The following LRRC7 variants were observed in gnomAD, a reference collection of about 807,000 sequenced individuals.
LRRC7 encodes the protein leucine rich repeat containing 7.
A neutral mutation model predicts 175.7 loss-of-function variants in LRRC7; 23 were observed. That is an observed-to-expected ratio of 0.13 (90% CI 0.09 to 0.19). The LOEUF (loss-of-function observed/expected upper bound fraction) is 0.19, where lower values mean the gene tolerates loss of function less well. Ranked by LOEUF, LRRC7 falls within the 10% of genes least tolerant of loss-of-function variation. The probability of loss-of-function intolerance (pLI) is 1.00; values close to 1 mark genes in which losing one functional copy is unlikely to be tolerated. For synonymous variants in LRRC7, 685 were observed against 680.9 expected, an observed-to-expected ratio of 1.01 and a Z score of -0.09; for missense variants, 1,354 against 1,904.7, an observed-to-expected ratio of 0.71 and a Z score of 5.38.
In LRRC7 at chr1:69,848,626, T is replaced by C. The variant is rs904123926; in HGVS notation, c.647+10343T>C. Reference sequence around the variant, plus strand: ...CCGCTGAAATGTATCTAACTCTCCATAGATTTTCTGCTTTCTTCAGGTCTC... The same window carrying C: ...CCGCTGAAATGTATCTAACTCTCCACAGATTTTCTGCTTTCTTCAGGTCTC... On this transcript the variant is annotated intron_variant, in intron 7 of 26. Transcript: ENST00000651989. Among the ~76,000 whole-genome samples the C allele has an allele frequency of 6.6e-5, 10 of 152,086 alleles. No individual in the cohort carries two copies. The South Asian group carries it at 8.3e-4, about 13-fold the overall frequency.
intron 4 of LRRC7, among the ~76,000 whole-genome samples, chr1:69,809,657 GA>G (rs1677576383): frequency 6.6e-6 from 1 of 152,116 alleles, no homozygotes; most frequent in Admixed American, 6.6e-5. Context: ...CGCATAAACA[GA>G]ACCAATGACA....
chr1:69,903,538 G>A (rs996998689), intron 7 of LRRC7, among the ~76,000 whole-genome samples: 2 of 152,066 alleles, frequency 1.3e-5, no homozygotes, highest in Non-Finnish European at 2.9e-5. Flanking sequence ...AGCACTAAAT[G>A]GCCACAAGAC....
intron 24 of LRRC7, among the ~76,000 whole-genome samples, chr1:70,082,191 G>A (rs1455665395): frequency 6.6e-6 from 1 of 152,152 alleles, no homozygotes; most frequent in African/African-American, 2.4e-5. Context: ...ATTCTGCTGA[G>A]TGGTGTAAGA....
chr1:69,684,857 G>A (rs1172912399), intron 2 of LRRC7, among the ~76,000 whole-genome samples: 1 of 152,184 alleles, frequency 6.6e-6, no homozygotes, highest in Non-Finnish European at 1.5e-5. Flanking sequence ...CCAATCGACA[G>A]GCAGTTCAAT....
chr1:69,995,889 C>G (rs536270053), intron 11 of LRRC7, among the ~76,000 whole-genome samples: 1,774 of 150,688 alleles, frequency 0.012, 28 homozygotes, highest in African/African-American at 0.041. Flanking sequence ...TTTATAGCAG[C>G]ATGATTTATA....
At chr1:69,930,619 C>T (rs536886996) in intron 7 of LRRC7, among the ~76,000 whole-genome samples, 4 of 152,248 alleles carry the variant, frequency 2.6e-5, no homozygotes, top group Admixed American at 1.3e-4. Flanking sequence ...AACTCTTGCC[C>T]AAGGTTTGTG....
At chr1:69,805,761 G>T (rs1677045585) in intron 4 of LRRC7, among the ~76,000 whole-genome samples, 2 of 151,854 alleles carry the variant, frequency 1.3e-5, no homozygotes, top group Admixed American at 1.3e-4. Context: ...TCAGCTTAAT[G>T]CTGGAACTTT....
intron 1 of LRRC7, among the ~76,000 whole-genome samples, chr1:69,614,334 C>T (rs1287857529): frequency 6.6e-6 from 1 of 152,046 alleles, no homozygotes; most frequent in Non-Finnish European, 1.5e-5. Flanking sequence ...GCATAATAAA[C>T]TGTTCATTAT....
At chr1:69,790,451 A>G (rs1052242502) in intron 3 of LRRC7, among the ~76,000 whole-genome samples, 2 of 152,034 alleles carry the variant, frequency 1.3e-5, no homozygotes, top group African/African-American at 4.8e-5. Flanking sequence ...TGGGATGATG[A>G]GAAAAATTTA....
chr1:69,996,057 C>A (rs1283611731), intron 11 of LRRC7, among the ~76,000 whole-genome samples: 3 of 150,762 alleles, frequency 2.0e-5, no homozygotes, highest in Non-Finnish European at 2.9e-5. Flanking sequence ...ACATCCTCTC[C>A]AGCACCTGTT....
In LRRC7 at chr1:69,951,524, G is replaced by A. The variant is rs150581700; in HGVS notation, c.711+19954G>A. On this transcript the variant is annotated intron_variant, in intron 8 of 26. Transcript: ENST00000651989. ...TGCAGCGCAGTTCACAATAGCAAAG[G>A]CATGGAATCAACCTAAATGCCCATC... Among the ~76,000 whole-genome samples the A allele has an allele frequency of 3.2e-3, 489 of 151,956 alleles. 2 individuals are homozygous for A. The highest frequency in any genetic ancestry group is 0.011 in the African/African-American group (464 of 41,502).
chr1:70,103,516 A>T (rs569864221), intron 25 of LRRC7, among the ~76,000 whole-genome samples: 1 of 152,306 alleles, frequency 6.6e-6, no homozygotes, highest in South Asian at 2.1e-4. Flanking sequence ...GACATTTCCT[A>T]GAAGCTACAT....
chr1:70,067,618 T>C (rs1558041219), intron 23 of LRRC7, among the ~76,000 whole-genome samples: 1 of 152,230 alleles, frequency 6.6e-6, no homozygotes, highest in Non-Finnish European at 1.5e-5. Context: ...TCTAGATTCA[T>C]TGTCTTTCTG....
intron 1 of LRRC7, among the ~76,000 whole-genome samples, chr1:69,585,603 C>T (rs548072403): frequency 6.6e-6 from 1 of 152,112 alleles, no homozygotes; most frequent in African/African-American, 2.4e-5. Flanking sequence ...AAAATAATTC[C>T]CATCATATGT....
intron 7 of LRRC7, among the ~76,000 whole-genome samples, chr1:69,876,240 GT>G (rs1188266637): frequency 6.6e-6 from 1 of 151,994 alleles, no homozygotes; most frequent in Non-Finnish European, 1.5e-5. Context: ...CTGCTATTTT[GT>G]CTTATCTTTT....
chr1:69,810,887 C>A (rs531390385), intron 4 of LRRC7, among the ~76,000 whole-genome samples: 1 of 152,054 alleles, frequency 6.6e-6, no homozygotes, highest in Non-Finnish European at 1.5e-5. Context: ...ACTAAAACAC[C>A]AAAAGCAGTG....
chr1:69,692,145 C>T (rs535874416), intron 2 of LRRC7, among the ~76,000 whole-genome samples: 2 of 152,230 alleles, frequency 1.3e-5, no homozygotes, highest in African/African-American at 4.8e-5. Flanking sequence ...TTTTGGGGAA[C>T]TCCTGCTACA....
rs1348278056 is a variant in LRRC7, at chr1:70,132,536, A to G, written c.*10649A>G. ...CTGGAGGCTGGAGTGCAGTGGCACG[A>G]TCTCAGCTTACTGCAACCTCCGCCC... On this transcript the variant is annotated 3_prime_UTR_variant, in exon 27 of 27. Transcript: ENST00000651989. Among the ~76,000 whole-genome samples, 3 of 129,564 alleles carry G rather than the reference A, an allele frequency of 2.3e-5. No homozygotes were observed. The highest frequency in any genetic ancestry group is 3.1e-5 in the Non-Finnish European group (2 of 65,514). The allele number at this position is 129,564 out of a possible 152,430, so 85.0% of individuals were successfully genotyped here.
rs1188590711 is a variant in LRRC7 at position 70,122,806 on chromosome 1, A to G, written c.*919A>G. The stretch of plus-strand genomic sequence containing the variant: ...TGATTTCTTTACTTGTAAATGTGGA[A>G]TTTATTTGTGTGTTGCTTAATCTAA... On this transcript the variant is annotated 3_prime_UTR_variant, in exon 27 of 27. Coordinates refer to ENST00000651989, the MANE Select transcript of LRRC7 (RefSeq NM_001370785.2). The G allele has an allele frequency of 6.6e-6, 1 of 152,442 alleles. No homozygotes were observed. The highest frequency in any genetic ancestry group is 2.4e-5 in the African/African-American group (1 of 41,440). 9.4% of individuals were successfully genotyped at this position (152,442 alleles called of 1,614,324 possible).
Sources: allele counts gnomAD v4.1 joint callset (sites outside exome capture counted in the v4.1 genomes callset), GRCh38; gene constraint gnomAD v4.1.1; transcripts MANE v1.5; gene names NCBI Gene and HGNC (gene_info 2026-07-23, HGNC 2026-07-21).